Variants in VAMP5 observed in about 807,000 individuals in gnomAD.
VAMP5 encodes vesicle-associated membrane protein 5.
In VAMP5, 10 loss-of-function variants were observed where a neutral mutation model predicts 8.1. The ratio of observed to expected loss-of-function variants is 1.23; its 90% CI spans 0.76 to 2.09. The LOEUF is 2.09. VAMP5 is among the 30% of genes most tolerant of loss of function. The pLI is 0.00. For synonymous variants in VAMP5, 62 were observed against 60.6 expected, an observed-to-expected ratio of 1.02 and a Z score of -0.11; for missense variants, 135 against 152.5, an observed-to-expected ratio of 0.89 and a Z score of 0.60.
Position 85,591,874 on chromosome 2 carries a change from G to A in VAMP5, c.141+12G>A, listed in dbSNP as rs1198472184. The A allele has an allele frequency of 1.2e-6, 2 of 1,613,938 alleles. No individual in the cohort carries two copies. The highest frequency in any genetic ancestry group is 1.3e-5 in the African/African-American group (1 of 74,920). ...AACTCCTGGATATGGTGTGAGGCCTGGGGGAGCATGGAGGGGAGGGGAGAG... is the reference window on the plus strand; with the variant it reads ...AACTCCTGGATATGGTGTGAGGCCTAGGGGAGCATGGAGGGGAGGGGAGAG... On this transcript the variant is annotated intron_variant, in intron 2 of 2. Transcript: ENST00000306384.
rs759159641 is a variant in VAMP5 at position 85,593,129 on chromosome 2, C to T, written c.323C>T (p.Ala108Val). The T allele has an allele frequency of 3.7e-6, 6 of 1,614,216 alleles. No homozygotes were observed. The South Asian group carries it at 4.4e-5, about 12-fold the overall frequency. Residue 108 changes from alanine to valine, a missense_variant, in exon 3 of 3, where the codon GCA (alanine) becomes GTA (valine). Coordinates refer to ENST00000306384, the MANE Select transcript of VAMP5 (RefSeq NM_006634.3). ...DSSSAPRTQD[A>V]GIASGPGN ...AGTAGTGCCCCACGGACCCAGGATG[C>T]AGGCATTGCCTCAGGGCCTGGGAAC...
intron 1 of VAMP5, among the ~76,000 whole-genome samples, chr2:85,588,861 G>A (rs912364053): frequency 3.9e-5 from 6 of 152,030 alleles, no homozygotes; most frequent in South Asian, 2.1e-4. Context: ...GGGGTCACCC[G>A]CCCCCACCAT....
chr2:85,586,936 G>C (rs112073750), intron 1 of VAMP5, among the ~76,000 whole-genome samples: 1 of 151,966 alleles, frequency 6.6e-6, no homozygotes, highest in African/African-American at 2.4e-5. Flanking sequence ...TTAGCTGGGC[G>C]TGGTGGCAGG....
intron 1 of VAMP5, among the ~76,000 whole-genome samples, chr2:85,591,154 T>G (rs1166304876): frequency 6.6e-6 from 1 of 152,252 alleles, no homozygotes; most frequent in Non-Finnish European, 1.5e-5. Flanking sequence ...AGAACTGGCC[T>G]GACCAGTCAG....
chr2:85,585,684 G>A (rs2104042925), intron 1 of VAMP5, among the ~76,000 whole-genome samples: 1 of 152,326 alleles, frequency 6.6e-6, no homozygotes, highest in Admixed American at 6.5e-5. Context: ...GGAGGATACT[G>A]GGAAACCTGG....
At chr2:85,587,581 T>TAAAA (rs577522694) in intron 1 of VAMP5, among the ~76,000 whole-genome samples, 36 of 137,918 alleles carry the variant, frequency 2.6e-4, no homozygotes, top group African/African-American at 9.4e-4. Context: ...ATCTGACTGC[T>TAAAA]AAAAAAAAAA....
At chr2:85,584,576 C>T in intron 1 of VAMP5, 83 bp downstream of exon 1, 2 of 1,229,060 alleles carry the variant, frequency 1.6e-6, no homozygotes, top group African/African-American at 1.6e-5. Flanking sequence ...CCAAAGTCCG[C>T]GGGCTGGGGC....
Position 85,584,489 on chromosome 2 carries a change from C to G in VAMP5, c.-2C>G. Reference sequence around the variant, plus strand: ...GCGGGCGAGGCGGCGGCGGCAGCAGCGATGGTGAGGGCCCAGGCGGGGCCG... The same window carrying G: ...GCGGGCGAGGCGGCGGCGGCAGCAGGGATGGTGAGGGCCCAGGCGGGGCCG... On this transcript the variant is annotated 5_prime_UTR_variant, in exon 1 of 3. Transcript: ENST00000306384. 1 of 1,243,322 alleles carries G rather than the reference C, an allele frequency of 8.0e-7. No homozygotes were observed. Among genetic ancestry groups the G allele is most frequent in the Non-Finnish European group, 1.0e-6 (1 of 994,992 alleles). The allele number at this position is 1,243,322 out of a possible 1,614,324, so 77.0% of individuals were successfully genotyped here. A position where few individuals can be genotyped will look rare whatever the true frequency, so the allele number is the denominator to read the frequency against.
chr2:85,589,925 T>A (rs1558824841), intron 1 of VAMP5, among the ~76,000 whole-genome samples: 1 of 152,206 alleles, frequency 6.6e-6, no homozygotes, highest in Non-Finnish European at 1.5e-5. Flanking sequence ...CCCAAAGTGC[T>A]GGGATTACAG....
At chr2:85,589,292 T>C (rs1228714008) in intron 1 of VAMP5, among the ~76,000 whole-genome samples, 1 of 152,190 alleles carries the variant, frequency 6.6e-6, no homozygotes, top group African/African-American at 2.4e-5. Context: ...CCTGTGTATA[T>C]AGTCAGTGTC....
intron 1 of VAMP5, among the ~76,000 whole-genome samples, chr2:85,587,947 T>C (rs1466425250): frequency 1.3e-5 from 2 of 152,110 alleles, no homozygotes; most frequent in Non-Finnish European, 2.9e-5. Flanking sequence ...AGACAGGAGA[T>C]GGGGAGACAA....
At chr2:85,585,246 C>G (rs960902157) in intron 1 of VAMP5, among the ~76,000 whole-genome samples, 1 of 152,248 alleles carries the variant, frequency 6.6e-6, no homozygotes, top group African/African-American at 2.4e-5. Flanking sequence ...CAGATCCTGG[C>G]CTTTGTCCTC....
Position 85,586,533 on chromosome 2 carries a change from G to A in VAMP5, c.3+2040G>A, listed in dbSNP as rs545295786. ...GGAGGTTGCAGTGAGCTGAGATCGCGCCATTGCACTCCAGCCTGGGTGACA... is the reference window on the plus strand; with the variant it reads ...GGAGGTTGCAGTGAGCTGAGATCGCACCATTGCACTCCAGCCTGGGTGACA... On this transcript the variant is annotated intron_variant, in intron 1 of 2. Coordinates refer to ENST00000306384, the MANE Select transcript of VAMP5 (RefSeq NM_006634.3). Among the ~76,000 whole-genome samples, 7 of 152,108 alleles carry A rather than the reference G, an allele frequency of 4.6e-5. No individual in the cohort carries two copies. The East Asian group carries it at 1.4e-3, about 29-fold the overall frequency.
intron 1 of VAMP5, 21 bp downstream of exon 1, chr2:85,584,514 G>A (rs1672434889): frequency 1.6e-6 from 2 of 1,238,044 alleles, no homozygotes; most frequent in Non-Finnish European, 2.0e-6. Context: ...AGGCGGGGCC[G>A]GCCAGCCCTG....
intron 1 of VAMP5, 65 bp downstream of exon 1, chr2:85,584,558 A>T: frequency 8.1e-6 from 10 of 1,232,204 alleles, no homozygotes; most frequent in Non-Finnish European, 1.0e-5. Context: ...AGGGTGGGAG[A>T]GAGGAGTCCA....
At chr2:85,587,515 G>T (rs1261904026) in intron 1 of VAMP5, among the ~76,000 whole-genome samples, 1 of 151,172 alleles carries the variant, frequency 6.6e-6, no homozygotes, top group Non-Finnish European at 1.5e-5. Flanking sequence ...GCCTCCCAAA[G>T]TGCTGGGATT....
chr2:85,592,661 C>T (rs772406858), intron 2 of VAMP5, among the ~76,000 whole-genome samples: 1 of 151,884 alleles, frequency 6.6e-6, no homozygotes, highest in Admixed American at 6.6e-5. Context: ...ATTAGCCGGG[C>T]GCAGTGGTGT....
At chr2:85,589,744 G>A (rs1455285618) in intron 1 of VAMP5, among the ~76,000 whole-genome samples, 4 of 150,518 alleles carry the variant, frequency 2.7e-5, no homozygotes, top group African/African-American at 4.9e-5. Flanking sequence ...TGCAACCTCC[G>A]CCACCCAGGT....
At chr2:85,590,865 A>G (rs1672529010) in intron 1 of VAMP5, among the ~76,000 whole-genome samples, 2 of 152,188 alleles carry the variant, frequency 1.3e-5, no homozygotes, top group African/African-American at 2.4e-5. Context: ...TTTCTTGCAC[A>G]TGACCCAGAC....
Sources: gnomAD v4.1 joint callset for allele counts (sites outside exome capture counted in the v4.1 genomes callset) on GRCh38, gnomAD v4.1.1 for gene constraint, MANE v1.5 for transcripts, NCBI Gene and HGNC (gene_info 2026-07-23, HGNC 2026-07-21) for gene names.